Variants in SCAF8 observed in about 807,000 individuals in gnomAD.
SCAF8 encodes SR-related and CTD-associated factor 8.
SCAF8 carries 23 observed loss-of-function variants against 140.5 expected under a neutral mutation model. The observed-to-expected ratio is 0.16, with a 90% confidence interval of 0.12 to 0.23. The LOEUF is 0.23. Ranked by LOEUF, SCAF8 falls within the 10% of genes least tolerant of loss-of-function variation. The pLI is 1.00. For synonymous variants in SCAF8, 575 were observed against 528.9 expected (o/e 1.09, Z -1.20); for missense variants, 1,397 against 1,555.7 (o/e 0.90, Z 1.72).
At chr6:154,811,389 T>C (rs894603193) in intron 12 of SCAF8, among the ~76,000 whole-genome samples, 2 of 152,030 alleles carry the variant, frequency 1.3e-5, no homozygotes, top group Admixed American at 1.3e-4. Flanking sequence ...TTTCACTGTT[T>C]ACACAGTTTT....
chr6:154,761,821 C>G (rs764322718), intron 1 of SCAF8, among the ~76,000 whole-genome samples: 28 of 151,928 alleles, frequency 1.8e-4, no homozygotes, highest in Non-Finnish European at 3.5e-4. Context: ...CACTATTTGT[C>G]GTATTATTTT....
At chr6:154,770,388 A>ACACACACACTCTCTCTCTCT (rs1384942827) in intron 1 of SCAF8, among the ~76,000 whole-genome samples, 1 of 141,918 alleles carries the variant, frequency 7.0e-6, no homozygotes, top group Non-Finnish European at 1.5e-5. Flanking sequence ...ACACACACAC[A>ACACACACACTCTCTCTCTCT]CTCTCTCTCT....
chr6:154,800,625 G>A (rs954023918), intron 6 of SCAF8, among the ~76,000 whole-genome samples: 2 of 150,718 alleles, frequency 1.3e-5, no homozygotes, highest in African/African-American at 4.9e-5. Flanking sequence ...TCTTTCTTTT[G>A]GTAGTAGTGG....
intron 14 of SCAF8, 51 bp downstream of exon 14, chr6:154,818,643 T>G: frequency 1.2e-6 from 1 of 862,720 alleles, no homozygotes; most frequent in East Asian, 2.5e-5. Context: ...ATTTTTAATG[T>G]CTGTTATGTT....
At chr6:154,790,444 C>G (rs977684456) in intron 4 of SCAF8, among the ~76,000 whole-genome samples, 1 of 132,830 alleles carries the variant, frequency 7.5e-6, no homozygotes, top group South Asian at 2.3e-4. Context: ...GATCTTTATT[C>G]TGAAAATTGC....
intron 1 of SCAF8, among the ~76,000 whole-genome samples, chr6:154,740,800 A>G (rs1396727766): frequency 6.6e-6 from 1 of 151,818 alleles, no homozygotes; most frequent in Non-Finnish European, 1.5e-5. Context: ...TGTGTTTTGA[A>G]TAGAGATGGG....
chr6:154,773,517 G>A (rs527337261), intron 1 of SCAF8, among the ~76,000 whole-genome samples: 48 of 152,250 alleles, frequency 3.2e-4, no homozygotes, highest in South Asian at 6.2e-4. Flanking sequence ...CAATGACCAC[G>A]TGTACAGGTT....
intron 3 of SCAF8, among the ~76,000 whole-genome samples, chr6:154,779,792 T>G (rs1234112879): frequency 4.4e-5 from 6 of 137,306 alleles, no homozygotes. Flanking sequence ...TATATATATA[T>G]ATATATATAC....
intron 6 of SCAF8, among the ~76,000 whole-genome samples, chr6:154,800,285 T>C (rs1562452902): frequency 1.3e-5 from 2 of 151,558 alleles, no homozygotes; most frequent in African/African-American, 4.8e-5. Flanking sequence ...CAGCTGCCTG[T>C]CCAATGTCTA....
At chr6:154,819,613 C>A (rs773473633) in intron 14 of SCAF8, among the ~76,000 whole-genome samples, 10 of 150,626 alleles carry the variant, frequency 6.6e-5, no homozygotes, top group Non-Finnish European at 1.2e-4. Context: ...AAATGCTATT[C>A]TAATCACCCC....
At chr6:154,796,592 A>G (rs530649767) in intron 6 of SCAF8, among the ~76,000 whole-genome samples, 3 of 152,254 alleles carry the variant, frequency 2.0e-5, no homozygotes, top group South Asian at 2.1e-4. Flanking sequence ...TGTGAGATCA[A>G]TTTAGAAATG....
chr6:154,805,534 C>A, intron 9 of SCAF8, 48 bp downstream of exon 9: 9 of 1,002,020 alleles, frequency 9.0e-6, no homozygotes, highest in South Asian at 2.1e-5. Flanking sequence ...TATTTATATT[C>A]TATAAATTGG....
chr6:154,776,338 A>G (rs981360108), intron 2 of SCAF8, among the ~76,000 whole-genome samples: 1 of 151,644 alleles, frequency 6.6e-6, no homozygotes, highest in African/African-American at 2.4e-5. Flanking sequence ...ACATTTTATC[A>G]ATCAGATTTA....
chr6:154,779,276 TC>T (rs1196375224), intron 3 of SCAF8, among the ~76,000 whole-genome samples: 4 of 152,166 alleles, frequency 2.6e-5, no homozygotes, highest in African/African-American at 9.7e-5. Context: ...CCTCAAATGA[TC>T]CATGTGTCTT....
intron 14 of SCAF8, among the ~76,000 whole-genome samples, chr6:154,818,921 T>C (rs894985587): frequency 6.6e-6 from 1 of 152,204 alleles, no homozygotes; most frequent in Non-Finnish European, 1.5e-5. Context: ...TTTTATAGTA[T>C]TGTCTTTCAT....
intron 9 of SCAF8, among the ~76,000 whole-genome samples, chr6:154,806,380 C>A (rs1033005782): frequency 6.6e-6 from 1 of 152,020 alleles, no homozygotes; most frequent in Non-Finnish European, 1.5e-5. Context: ...AGCATACATC[C>A]TAATATTAAA....
intron 12 of SCAF8, among the ~76,000 whole-genome samples, chr6:154,812,334 A>G (rs1274729742): frequency 1.1e-5 from 1 of 94,512 alleles, no homozygotes; most frequent in South Asian, 3.4e-4. Context: ...TTTTAAAATT[A>G]GGGTATGTAC....
intron 18 of SCAF8, among the ~76,000 whole-genome samples, chr6:154,828,602 G>C (rs777930881): frequency 6.6e-6 from 1 of 152,004 alleles, no homozygotes; most frequent in Admixed American, 6.6e-5. Flanking sequence ...AGTTTTGAGA[G>C]CTACTTAGCT....
At chr6:154,791,655 G>A (rs926556388) in intron 4 of SCAF8, among the ~76,000 whole-genome samples, 8 of 150,968 alleles carry the variant, frequency 5.3e-5, no homozygotes, top group African/African-American at 1.7e-4. Context: ...TTTAAAAAAT[G>A]TGTTGACATA....
Sources: gnomAD v4.1 joint callset for allele counts (sites outside exome capture counted in the v4.1 genomes callset) on GRCh38, gnomAD v4.1.1 for gene constraint, MANE v1.5 for transcripts, NCBI Gene and HGNC (gene_info 2026-07-23, HGNC 2026-07-21) for gene names.